The following FKBP9 variants were observed in gnomAD, a reference collection of about 807,000 sequenced individuals.
FKBP9 encodes FKBP prolyl isomerase 9.
A neutral mutation model predicts 55.6 loss-of-function variants in FKBP9; 27 were observed. The observed-to-expected ratio is 0.49, with a 90% confidence interval of 0.36 to 0.67. The LOEUF is 0.67. Among genes scored for constraint, FKBP9 ranks in the 30% least tolerant of loss-of-function variants. The pLI, the probability that FKBP9 is intolerant of heterozygous loss-of-function variation, is 0.00. For missense variants in FKBP9, 539 were observed against 742.8 expected (o/e 0.73, Z 3.19); for synonymous variants, 267 against 296.5 (o/e 0.90, Z 1.02).
In FKBP9 at chr7:32,979,361, A is replaced by G. The variant is rs986265468; in HGVS notation, c.704-1003A>G. 1.5e-5 allele frequency: 10 copies of G among 645,618 alleles called. No individual in the cohort carries two copies. The African/African-American group carries it at 1.6e-4, about 11-fold the overall frequency. 40.0% of individuals were successfully genotyped at this position (645,618 alleles called of 1,614,324 possible). A position where few individuals can be genotyped will look rare whatever the true frequency, so the allele number is the denominator to read the frequency against. On this transcript the variant is annotated intron_variant, in intron 4 of 9. Coordinates refer to ENST00000242209, the MANE Select transcript of FKBP9 (RefSeq NM_007270.5). ...AAATGAAAAGATACAGTAAGGCACA[A>G]AAGATTAATATTCTATCTCCCACGC... is the stretch of plus-strand genomic sequence containing the variant.
At chr7:33,004,240 T>C (rs1033464793) in intron 9 of FKBP9, among the ~76,000 whole-genome samples, 10 of 152,072 alleles carry the variant, frequency 6.6e-5, no homozygotes, top group Admixed American at 4.6e-4. Flanking sequence ...AGCAGTGGTG[T>C]TCATGAAGCT....
intron 7 of FKBP9, among the ~76,000 whole-genome samples, chr7:32,999,733 C>T (rs563683162): frequency 2.6e-4 from 40 of 152,204 alleles, no homozygotes; most frequent in African/African-American, 9.6e-4. Flanking sequence ...ATCCAAAAGC[C>T]AGGGTTTTTT....
rs1330753262 is a variant in FKBP9, at chr7:32,976,483, T to G, written c.687T>G (p.Tyr229Ter). The G allele has an allele frequency of 6.2e-7, 1 of 1,600,362 alleles. No individual in the cohort carries two copies. Among genetic ancestry groups the G allele is most frequent in the African/African-American group, 1.3e-5 (1 of 74,306 alleles). ...RIITIPPFLA[Y>*]GEDGDGKDIP... ...TCACCATTCCTCCTTTTCTGGCCTA[T>G]GGAGAGGATGGAGATGGTAAGTCCG... The change falls in exon 4 of 10, where the codon TAT becomes TAG. Residue 229 changes from tyrosine (Y) to a stop codon, truncating the protein, a stop_gained. Transcript: ENST00000242209. LOFTEE classifies it high-confidence loss of function.
chr7:33,001,565 G>T (rs181276088), intron 8 of FKBP9, among the ~76,000 whole-genome samples: 39 of 151,826 alleles, frequency 2.6e-4, no homozygotes, highest in African/African-American at 9.4e-4. Flanking sequence ...TATTCTTTAA[G>T]ACTTTTTCTG....
At chr7:32,982,774 C>T (rs1374905493) in intron 5 of FKBP9, among the ~76,000 whole-genome samples, 2 of 152,184 alleles carry the variant, frequency 1.3e-5, no homozygotes, top group Non-Finnish European at 2.9e-5. Context: ...CATTTTAGTA[C>T]AGTGGGATCT....
intron 1 of FKBP9, among the ~76,000 whole-genome samples, chr7:32,958,001 G>A (rs978437038): frequency 6.6e-6 from 1 of 152,250 alleles, no homozygotes; most frequent in Non-Finnish European, 1.5e-5. Context: ...GCCAGCCGGG[G>A]ACTGGACCCT....
At chr7:32,983,502 A>C (rs1469372856) in intron 5 of FKBP9, among the ~76,000 whole-genome samples, 1 of 139,480 alleles carries the variant, frequency 7.2e-6, no homozygotes, top group Admixed American at 7.4e-5. Flanking sequence ...TTTGATAGAG[A>C]CAGGGTTTTG....
At chr7:32,975,044 T>C in intron 2 of FKBP9, 138 bp from the exon 3 acceptor site, 1 of 702,300 alleles carries the variant, frequency 1.4e-6, no homozygotes, top group Non-Finnish European at 2.4e-6. Context: ...GGAGGAAGAA[T>C]GGGTCATTTT....
chr7:33,002,216 G>T (rs1051190578), intron 8 of FKBP9, among the ~76,000 whole-genome samples: 1 of 151,580 alleles, frequency 6.6e-6, no homozygotes, highest in Non-Finnish European at 1.5e-5. Context: ...TCACTGCAAT[G>T]TTTGCCTCCC....
chr7:32,957,787 G>A lies in FKBP9; in HGVS notation c.214G>A (p.Asp72Asn), dbSNP rs758124189. 18 of 1,451,152 alleles carry A rather than the reference G, an allele frequency of 1.2e-5. 1 individual carries two copies. Among genetic ancestry groups the A allele is most frequent in the Non-Finnish European group, 1.4e-5 (16 of 1,103,726 alleles). 89.9% of individuals were successfully genotyped at this position (1,451,152 alleles called of 1,614,324 possible). Residue 72 changes from aspartate to asparagine, a missense_variant, in exon 1 of 10, where the codon GAC (aspartate) becomes AAC (asparagine). By Grantham distance (23) the Asp-to-Asn change is conservative (BLOSUM62 1). This residue lies in a region of FKBP9 where 236 missense variants were observed against 271.5 expected (regional missense o/e 0.87). Coordinates refer to ENST00000242209, the MANE Select transcript of FKBP9 (RefSeq NM_007270.5). ...VGTFPDGQKF[D>N]SSYDRDSTFN... ...GACGTTCCCCGACGGCCAGAAGTTC[G>A]ACTCCAGGTACCGCGCCCTTGGCGC...
At chr7:32,991,322 T>C (rs1784677561) in intron 6 of FKBP9, among the ~76,000 whole-genome samples, 1 of 151,972 alleles carries the variant, frequency 6.6e-6, no homozygotes, top group African/African-American at 2.4e-5. Context: ...TGAATCACGT[T>C]GCTGTGGGAG....
At chr7:32,965,812 A>AAAAAAAAAAAT (rs1554284289) in intron 1 of FKBP9, among the ~76,000 whole-genome samples, 2 of 34,936 alleles carry the variant, frequency 5.7e-5, no homozygotes, top group African/African-American at 2.4e-4. Flanking sequence ...AAAAAAAAAA[A>AAAAAAAAAAAT]ATATATATAT....
chr7:33,002,641 G>T (rs1309800309), intron 8 of FKBP9, 35 bp from the exon 9 acceptor site: 1 of 1,605,530 alleles, frequency 6.2e-7, no homozygotes, highest in Non-Finnish European at 8.5e-7. Context: ...CTGCCTGCCG[G>T]CTGACACCGC....
At chr7:32,965,392 A>G (rs1181413176) in intron 1 of FKBP9, among the ~76,000 whole-genome samples, 1 of 152,034 alleles carries the variant, frequency 6.6e-6, no homozygotes, top group Admixed American at 6.5e-5. Context: ...GGGCCTCCCA[A>G]CGTGCTGGGA....
chr7:32,996,606 T>TTTCCTTCC (rs201756956), intron 7 of FKBP9, among the ~76,000 whole-genome samples: 16,389 of 110,226 alleles, frequency 0.15, 1,806 homozygotes, highest in Admixed American at 0.21. Flanking sequence ...AACTGCTATC[T>TTTCCTTCC]TTCCTTCCTT....
At chr7:32,995,407 A>G (rs1481809100) in intron 6 of FKBP9, among the ~76,000 whole-genome samples, 1 of 152,190 alleles carries the variant, frequency 6.6e-6, no homozygotes, top group African/African-American at 2.4e-5. Context: ...CATATGTTTA[A>G]GTGTCCCCCA....
intron 6 of FKBP9, among the ~76,000 whole-genome samples, chr7:32,995,460 T>C (rs1344987419): frequency 3.9e-5 from 6 of 152,192 alleles, no homozygotes; most frequent in Admixed American, 6.5e-5. Flanking sequence ...GTTATGGCCA[T>C]GCCTACCCCA....
intron 1 of FKBP9, among the ~76,000 whole-genome samples, chr7:32,965,452 T>C (rs921226031): frequency 1.3e-4 from 20 of 151,974 alleles, no homozygotes; most frequent in African/African-American, 4.8e-4. Context: ...TTTTAAAAGC[T>C]CGTTCTTATT....
intron 4 of FKBP9, chr7:32,979,472 G>T (rs1171587947): frequency 7.3e-5 from 111 of 1,518,790 alleles, no homozygotes; most frequent in Non-Finnish European, 9.6e-5. Flanking sequence ...TCCTTGGATG[G>T]GAAGGAGATG....
Sources: allele counts gnomAD v4.1 joint callset (sites outside exome capture counted in the v4.1 genomes callset), GRCh38; gene constraint gnomAD v4.1.1; regional missense constraint gnomAD v4.1.1; transcripts MANE v1.5; gene names NCBI Gene and HGNC (gene_info 2026-07-23, HGNC 2026-07-21).